The following AGAP1 variants were observed in gnomAD, a reference collection of about 807,000 sequenced individuals.
The protein encoded by AGAP1 is ArfGAP with GTPase domain, ankyrin repeat and PH domain 1, also known as arf-GAP with GTPase, ANK repeat and PH domain-containing protein 1.
AGAP1 carries 29 observed loss-of-function variants against 105.3 expected under a neutral mutation model. That is an observed-to-expected ratio of 0.28 (90% CI 0.21 to 0.38). The LOEUF is 0.38. AGAP1 is among the 10% of genes least tolerant of loss of function. The pLI is 1.00. For synonymous variants in AGAP1, 509 were observed against 485.9 expected (o/e 1.05, Z -0.63); for missense variants, 998 against 1,165.1 (o/e 0.86, Z 2.09).
rs1476946560 is a variant in AGAP1 at position 235,802,772 on chromosome 2, A to G, written c.957+3250A>G. On this transcript the variant is annotated intron_variant, in intron 8 of 17. Transcript: ENST00000304032. ...GGTGGTGATGGTTGTGGTTGTGATG[A>G]TGGTTGTGGTTGTGATGGTGATGAT... is the stretch of plus-strand genomic sequence containing the variant. Among the ~76,000 whole-genome samples the G allele has an allele frequency of 1.4e-4, 19 of 136,390 alleles. No homozygotes were observed. In the South Asian group the frequency reaches 2.1e-3, roughly 15 times the overall value. The allele number at this position is 136,390 out of a possible 152,430, so 89.5% of individuals were successfully genotyped here.
chr2:235,607,640 C>T (rs898454164), intron 1 of AGAP1, among the ~76,000 whole-genome samples: 16 of 152,204 alleles, frequency 1.1e-4, no homozygotes, highest in Admixed American at 4.6e-4. Flanking sequence ...AGGCCCCCTT[C>T]GGCTGGTGCA....
At position 235,923,852 on chromosome 2, in the gene AGAP1, G is replaced by A. The variant is rs116998751; in HGVS notation, c.1325-6913G>A. Among the ~76,000 whole-genome samples, 183 of 152,336 alleles carry A rather than the reference G, an allele frequency of 1.2e-3. 2 individuals are homozygous for A. The East Asian group carries it at 0.03, about 25-fold the overall frequency. ...TCTGTATGATTTAAATCTGAAAGAT[G>A]TGAAAGGAGAAGAGAAATCTTAAAG... On this transcript the variant is annotated intron_variant, in intron 11 of 17. Coordinates refer to ENST00000304032, the MANE Select transcript of AGAP1 (RefSeq NM_001037131.3).
chr2:236,107,277 CCT>C (rs1405923057), intron 16 of AGAP1, among the ~76,000 whole-genome samples: 1 of 152,212 alleles, frequency 6.6e-6, no homozygotes, highest in Non-Finnish European at 1.5e-5. Flanking sequence ...GGTCCCTCCT[CCT>C]CTGTGCTGGG....
chr2:235,565,254 G>C (rs1290825533), intron 1 of AGAP1, among the ~76,000 whole-genome samples: 3 of 152,212 alleles, frequency 2.0e-5, no homozygotes, highest in Non-Finnish European at 4.4e-5. Flanking sequence ...TGTGAGCCAG[G>C]AGCATCTTCG....
At chr2:235,807,469 A>G (rs1056376859) in intron 9 of AGAP1, 138 bp downstream of exon 9, 17 of 664,722 alleles carry the variant, frequency 2.6e-5, no homozygotes, top group South Asian at 1.8e-4. Flanking sequence ...CTTGACATCA[A>G]TTAGCAGAGT....
At chr2:235,654,122 C>T (rs1216790066) in intron 1 of AGAP1, among the ~76,000 whole-genome samples, 1 of 152,202 alleles carries the variant, frequency 6.6e-6, no homozygotes, top group Non-Finnish European at 1.5e-5. Flanking sequence ...AAGAATCTGA[C>T]AGTTATCTAG....
intron 1 of AGAP1, among the ~76,000 whole-genome samples, chr2:235,607,128 G>C (rs1263501647): frequency 6.6e-6 from 1 of 152,048 alleles, no homozygotes; most frequent in African/African-American, 2.4e-5. Context: ...GACGTTTCCC[G>C]GATTCGTTAA....
chr2:235,501,071 G>T (rs1941541657), intron 1 of AGAP1, among the ~76,000 whole-genome samples: 1 of 152,152 alleles, frequency 6.6e-6, no homozygotes, highest in Non-Finnish European at 1.5e-5. Flanking sequence ...GATAAGGAAT[G>T]AATCTCTGGG....
intron 9 of AGAP1, among the ~76,000 whole-genome samples, chr2:235,812,500 G>A (rs1205810920): frequency 2.0e-5 from 3 of 152,252 alleles, no homozygotes; most frequent in Admixed American, 1.3e-4. Context: ...GGATCAACAC[G>A]AGGGGTGTAT....
intron 1 of AGAP1, among the ~76,000 whole-genome samples, chr2:235,572,973 TTTTTTC>T (rs1260927597): frequency 1.0e-4 from 14 of 137,028 alleles, no homozygotes; most frequent in South Asian, 4.6e-4. Flanking sequence ...TTGCTCCATC[TTTTTTC>T]TTCTTCTTCT....
intron 6 of AGAP1, among the ~76,000 whole-genome samples, chr2:235,762,918 C>CACAAAAACCAACA (rs1954575532): frequency 6.6e-6 from 1 of 151,964 alleles, no homozygotes; most frequent in Non-Finnish European, 1.5e-5. Context: ...TCAGTGAGTA[C>CACAAAAACCAACA]GTTGGATGTT....
intron 10 of AGAP1, among the ~76,000 whole-genome samples, chr2:235,894,887 C>G (rs951200528): frequency 7.2e-5 from 11 of 152,210 alleles, no homozygotes. Context: ...CATGTTGGTT[C>G]CAACGTGGCT....
Position 235,866,939 on chromosome 2 carries a change from C to T in AGAP1, c.1051-16406C>T, listed in dbSNP as rs141650697. Among the ~76,000 whole-genome samples the T allele has an allele frequency of 3.9e-4, 59 of 152,288 alleles. No individual in the cohort carries two copies. Among genetic ancestry groups the T allele is most frequent in the African/African-American group, 1.4e-3 (58 of 41,558 alleles). ...GCCCTGACTCCAAATAGAGTCACAT[C>T]GTGAGTGCTGGGCGTTAGGATCTCA... On this transcript the variant is annotated intron_variant, in intron 9 of 17. Coordinates refer to ENST00000304032, the MANE Select transcript of AGAP1 (RefSeq NM_001037131.3). The surrounding 1 kb of genome is among the most constrained non-coding windows in gnomAD (Gnocchi z 6.1).
At position 235,904,973 on chromosome 2, in the gene AGAP1, A is replaced by T. The variant is rs551888564; in HGVS notation, c.1156-3765A>T. ...GCTATTTTAAATACCGATTTTATTTATTTTTTTTTTTTAGAGCTAGTTCTT... is the reference window on the plus strand; with the variant it reads ...GCTATTTTAAATACCGATTTTATTTTTTTTTTTTTTTTAGAGCTAGTTCTT... On this transcript the variant is annotated intron_variant, in intron 10 of 17. Transcript: ENST00000304032. The surrounding 1 kb of genome is among the most constrained non-coding windows in gnomAD (Gnocchi z 4.2). Among the ~76,000 whole-genome samples, 7 of 147,278 alleles carry T rather than the reference A, an allele frequency of 4.8e-5. No homozygotes were observed. The highest frequency in any genetic ancestry group is 1.5e-4 in the African/African-American group (6 of 40,174).
At chr2:235,890,753 C>G (rs1003966742) in intron 10 of AGAP1, among the ~76,000 whole-genome samples, 1 of 152,050 alleles carries the variant, frequency 6.6e-6, no homozygotes, top group Non-Finnish European at 1.5e-5. Context: ...ACATGGAGAA[C>G]GAATTCTTTC....
intron 1 of AGAP1, among the ~76,000 whole-genome samples, chr2:235,525,689 G>C (rs1354442857): frequency 5.0e-5 from 6 of 120,132 alleles, no homozygotes; most frequent in Non-Finnish European, 8.8e-5. Flanking sequence ...ATAAAGTAGA[G>C]GACTGATGCA....
intron 16 of AGAP1, among the ~76,000 whole-genome samples, chr2:236,117,864 C>G (rs1464540024): frequency 6.6e-6 from 1 of 152,092 alleles, no homozygotes; most frequent in Non-Finnish European, 1.5e-5. Context: ...ATTGTCAGTG[C>G]TTTTGTGCTT....
intron 5 of AGAP1, among the ~76,000 whole-genome samples, chr2:235,749,651 C>G (rs1242610641): frequency 6.6e-6 from 1 of 152,150 alleles, no homozygotes; most frequent in African/African-American, 2.4e-5. Flanking sequence ...CAGGCAGTGC[C>G]TACTGCGCCC....
rs1022118905 is a variant in AGAP1 at position 236,009,767 on chromosome 2, C to T, written c.1646-26794C>T. 6.6e-5 allele frequency among the ~76,000 whole-genome samples: 10 copies of T among 152,196 alleles called. No individual in the cohort carries two copies. Among genetic ancestry groups the T allele is most frequent in the African/African-American group, 2.2e-4 (9 of 41,446 alleles). On this transcript the variant is annotated intron_variant, in intron 13 of 17. Coordinates refer to ENST00000304032, the MANE Select transcript of AGAP1 (RefSeq NM_001037131.3). The surrounding 1 kb of genome is among the most constrained non-coding windows in gnomAD (Gnocchi z 4.2). Reference sequence around the variant, plus strand: ...CATTTAGCCGTCCCTGCTCGGTTCACGCCAAGGATGTAATTCATGCACACT... The same window carrying T: ...CATTTAGCCGTCCCTGCTCGGTTCATGCCAAGGATGTAATTCATGCACACT...
Sources: allele counts gnomAD v4.1 joint callset (sites outside exome capture counted in the v4.1 genomes callset), GRCh38; gene constraint gnomAD v4.1.1; non-coding constraint Gnocchi (gnomAD v3.1); transcripts MANE v1.5; gene names NCBI Gene and HGNC (gene_info 2026-07-23, HGNC 2026-07-21).